The following TDRD9 variants were observed in gnomAD, a reference collection of about 807,000 sequenced individuals.
TDRD9 encodes ATP-dependent RNA helicase TDRD9.
Under a neutral mutation model 172.6 loss-of-function variants are expected in TDRD9, and 124 were observed. The observed-to-expected ratio is 0.72, with a 90% CI of 0.62 to 0.83. The LOEUF (loss-of-function observed/expected upper bound fraction) is 0.83, where lower values mean the gene tolerates loss of function less well. Among genes scored for constraint, TDRD9 ranks in the 40% least tolerant of loss-of-function variants. The pLI is 0.00. For missense variants in TDRD9, 1,479 were observed against 1,714.1 expected (o/e 0.86, Z 2.42); for synonymous variants, 619 against 617.1 (o/e 1.00, Z -0.05).
At chr14:103,957,983 A>G (rs896546072) in intron 2 of TDRD9, among the ~76,000 whole-genome samples, 3 of 152,204 alleles carry the variant, frequency 2.0e-5, no homozygotes, top group Admixed American at 6.5e-5. Context: ...AGTCGGATCA[A>G]CTATGGCTTT....
rs567870611 is a variant in TDRD9 at position 104,007,783 on chromosome 14, CT to C, written c.2052+591del. ...CATATATGAGTTAGGTGTTTAAAGTCTTTTTTTTTTTTGAGACGGAGTCTCG... is the reference window on the plus strand; with the variant it reads ...CATATATGAGTTAGGTGTTTAAAGTCTTTTTTTTTTTGAGACGGAGTCTCG... On this transcript the variant is annotated intron_variant, in intron 19 of 35. Coordinates refer to ENST00000409874, the MANE Select transcript of TDRD9 (RefSeq NM_153046.3). Among the ~76,000 whole-genome samples, 1,348 of 142,630 alleles carry C rather than the reference CT, an allele frequency of 9.5e-3. 12 individuals are homozygous for C. Among genetic ancestry groups the C allele is most frequent in the African/African-American group, 0.026 (1,034 of 39,142 alleles). 93.6% of individuals were successfully genotyped at this position (142,630 alleles called of 152,430 possible).
intron 7 of TDRD9, among the ~76,000 whole-genome samples, chr14:103,985,352 TAGTG>T (rs767175934): frequency 4.6e-5 from 7 of 152,172 alleles, no homozygotes; most frequent in Non-Finnish European, 7.3e-5. Flanking sequence ...GTTCTTATGA[TAGTG>T]AGTAAGTCTC....
chr14:103,961,139 C>G (rs1006873912), intron 2 of TDRD9, among the ~76,000 whole-genome samples: 2 of 152,122 alleles, frequency 1.3e-5, no homozygotes, highest in Non-Finnish European at 2.9e-5. Context: ...TTCAAGAAGG[C>G]CTAGGTATAT....
intron 1 of TDRD9, among the ~76,000 whole-genome samples, chr14:103,952,188 GTGTATATATA>G (rs1326641430): frequency 0.037 from 2,080 of 56,674 alleles, 75 homozygotes; most frequent in Admixed American, 0.1. Flanking sequence ...GTGCGTGTGT[GTGTATATATA>G]TATATATATA....
At chr14:104,039,433 G>C (rs1453293798) in intron 32 of TDRD9, among the ~76,000 whole-genome samples, 1 of 152,218 alleles carries the variant, frequency 6.6e-6, no homozygotes, top group Non-Finnish European at 1.5e-5. Context: ...GTGGCTTCTA[G>C]GTCCCACTGT....
chr14:103,984,368 G>C (rs1490077218), intron 7 of TDRD9, among the ~76,000 whole-genome samples: 1 of 152,120 alleles, frequency 6.6e-6, no homozygotes, highest in East Asian at 1.9e-4. Flanking sequence ...TGGTTTCGTG[G>C]GCCAGGCTTA....
At chr14:104,013,082 C>T (rs2152227969) in intron 20 of TDRD9, among the ~76,000 whole-genome samples, 1 of 152,196 alleles carries the variant, frequency 6.6e-6, no homozygotes, top group African/African-American at 2.4e-5. Context: ...TTCCCATGTC[C>T]CAGGCTTTTC....
At chr14:104,044,446 T>A (rs933811718) in intron 34 of TDRD9, among the ~76,000 whole-genome samples, 1 of 152,232 alleles carries the variant, frequency 6.6e-6, no homozygotes, top group Admixed American at 6.5e-5. Context: ...GGATCGAAAG[T>A]TCCCCCTGTC....
chr14:104,017,773 T>C (rs993000943), intron 22 of TDRD9, among the ~76,000 whole-genome samples: 3 of 152,254 alleles, frequency 2.0e-5, no homozygotes, highest in Admixed American at 2.0e-4. Context: ...TGTAGAAATA[T>C]GTTTTGAAAA....
At chr14:104,007,435 G>A (rs1052656151) in intron 19 of TDRD9, among the ~76,000 whole-genome samples, 3 of 152,170 alleles carry the variant, frequency 2.0e-5, no homozygotes, top group Non-Finnish European at 4.4e-5. Context: ...GGCCTGTGCT[G>A]GAGCTGTGCT....
intron 5 of TDRD9, among the ~76,000 whole-genome samples, chr14:103,967,620 T>C (rs975811289): frequency 6.6e-6 from 1 of 152,192 alleles, no homozygotes; most frequent in Non-Finnish European, 1.5e-5. Flanking sequence ...TAACGAATAA[T>C]ACAACATATA....
At chr14:103,933,597 A>G (rs1167497187) in intron 1 of TDRD9, among the ~76,000 whole-genome samples, 1 of 152,160 alleles carries the variant, frequency 6.6e-6, no homozygotes, top group Non-Finnish European at 1.5e-5. Context: ...AAAAACAGAC[A>G]GGGTTTTGCC....
chr14:104,024,443 G>A (rs552189636), intron 24 of TDRD9, 126 bp from the exon 25 acceptor site: 1 of 550,488 alleles, frequency 1.8e-6, no homozygotes, highest in African/African-American at 1.9e-5. Context: ...TCTGGCTTAG[G>A]TATTTTATTG....
At chr14:103,969,692 T>C (rs983446831) in intron 5 of TDRD9, among the ~76,000 whole-genome samples, 2 of 152,168 alleles carry the variant, frequency 1.3e-5, no homozygotes, top group Admixed American at 6.5e-5. Context: ...CCACTTCGGC[T>C]GAGAAATGTC....
intron 34 of TDRD9, among the ~76,000 whole-genome samples, chr14:104,046,382 T>G (rs1056822440): frequency 6.6e-6 from 1 of 152,238 alleles, no homozygotes; most frequent in Non-Finnish European, 1.5e-5. Context: ...TGATCCATTT[T>G]GAGATGATTT....
intron 1 of TDRD9, among the ~76,000 whole-genome samples, chr14:103,952,603 A>T (rs1383554144): frequency 1.3e-5 from 2 of 151,724 alleles, no homozygotes; most frequent in East Asian, 3.9e-4. Flanking sequence ...ATTTAAGGAG[A>T]AACTGATATT....
At chr14:103,965,238 T>G (rs949244352) in intron 3 of TDRD9, 95 bp from the exon 4 acceptor site, 3 of 1,282,502 alleles carry the variant, frequency 2.3e-6, no homozygotes, top group Admixed American at 2.2e-5. Context: ...AACTTTAAGA[T>G]GAAAGAAAAA....
rs180928076 is a variant in TDRD9 at position 103,977,417 on chromosome 14, C to T, written c.1011+1864C>T. ...CTGAGGCAGGAGAATGGCATGAACC[C>T]GGGAGGCGGAGCTTGCAGTGAGCCA... On this transcript the variant is annotated intron_variant, in intron 7 of 35. Coordinates refer to ENST00000409874, the MANE Select transcript of TDRD9 (RefSeq NM_153046.3). Among the ~76,000 whole-genome samples the T allele has an allele frequency of 2.4e-3, 341 of 141,376 alleles. 3 individuals are homozygous for T. The highest frequency in any genetic ancestry group is 8.6e-3 in the African/African-American group (325 of 37,730). 92.7% of individuals were successfully genotyped at this position (141,376 alleles called of 152,430 possible).
chr14:103,976,924 A>G (rs2368987), intron 7 of TDRD9, among the ~76,000 whole-genome samples: 1,616 of 151,834 alleles, frequency 0.011, 35 homozygotes, highest in African/African-American at 0.037. Context: ...TGGCACTATC[A>G]TAGTTCACTG....
Sources: allele counts gnomAD v4.1 joint callset (sites outside exome capture counted in the v4.1 genomes callset), GRCh38; gene constraint gnomAD v4.1.1; transcripts MANE v1.5; gene names NCBI Gene and HGNC (gene_info 2026-07-23, HGNC 2026-07-21).